ZNF486: variants seen among roughly 807,000 people sequenced by gnomAD.
ZNF486 encodes KRAB box only protein 2.
Under a neutral mutation model 12.8 loss-of-function variants are expected in ZNF486, and 12 were observed. The ratio of observed to expected loss-of-function variants is 0.94; its 90% CI spans 0.60 to 1.52. The LOEUF (loss-of-function observed/expected upper bound fraction) is 1.52. ZNF486 is among the 40% of genes most tolerant of loss of function. The pLI, the probability that ZNF486 is intolerant of heterozygous loss-of-function variation, is 0.00. For synonymous variants in ZNF486, 231 were observed against 184.9 expected, an observed-to-expected ratio of 1.25 and a Z score of -2.02; for missense variants, 738 against 545.0, an observed-to-expected ratio of 1.35 and a Z score of -3.53.
intron 3 of ZNF486, among the ~76,000 whole-genome samples, chr19:20,194,152 T>C (rs1296666405): frequency 1.3e-5 from 2 of 152,228 alleles, no homozygotes; most frequent in Non-Finnish European, 2.9e-5. Flanking sequence ...TTTTTGTGTA[T>C]GTGGATATCT....
intron 1 of ZNF486, among the ~76,000 whole-genome samples, chr19:20,175,664 AC>A (rs1228094469): frequency 6.6e-6 from 1 of 152,192 alleles, no homozygotes; most frequent in African/African-American, 2.4e-5. Context: ...TCAGAGATCA[AC>A]AGGATCCCAA....
chr19:20,193,943 TA>T (rs1309502403), intron 3 of ZNF486, among the ~76,000 whole-genome samples: 1 of 152,164 alleles, frequency 6.6e-6, no homozygotes, highest in Non-Finnish European at 1.5e-5. Context: ...TTGAATGTGG[TA>T]AAAAAATTAA....
chr19:20,190,673 C>A (rs782695027), intron 3 of ZNF486, among the ~76,000 whole-genome samples: 1 of 152,244 alleles, frequency 6.6e-6, no homozygotes, highest in African/African-American at 2.4e-5. Flanking sequence ...GCAAGAGCCA[C>A]TGCACCCCGT....
intron 1 of ZNF486, among the ~76,000 whole-genome samples, chr19:20,168,596 G>A (rs1453433936): frequency 2.0e-5 from 3 of 151,774 alleles, no homozygotes; most frequent in Non-Finnish European, 4.4e-5. Flanking sequence ...GGAGGTTGCG[G>A]TGAGCCGAGA....
At chr19:20,175,735 C>G (rs1228456611) in intron 1 of ZNF486, among the ~76,000 whole-genome samples, 1 of 152,232 alleles carries the variant, frequency 6.6e-6, no homozygotes, top group Non-Finnish European at 1.5e-5. Flanking sequence ...CTACTTCTTT[C>G]TACACAGACA....
intron 1 of ZNF486, among the ~76,000 whole-genome samples, chr19:20,181,559 G>A (rs1250740725): frequency 7.0e-6 from 1 of 142,850 alleles, no homozygotes; most frequent in Non-Finnish European, 1.5e-5. Context: ...AAAAAAAAGG[G>A]AAAAATAAAG....
At chr19:20,172,258 C>T (rs2089656180) in intron 1 of ZNF486, among the ~76,000 whole-genome samples, 1 of 152,092 alleles carries the variant, frequency 6.6e-6, no homozygotes, top group South Asian at 2.1e-4. Context: ...CGGCCTCAGC[C>T]TCCCAAAGTG....
In ZNF486 at chr19:20,197,962, T is replaced by A. The variant is rs1689356803; in HGVS notation, c.1252T>A (p.Ser418Thr). Residue 418 changes from serine to threonine, a missense_variant, in exon 4 of 4, where the codon TCC becomes ACC. Physicochemically the swap from Ser to Thr is moderately conservative, Grantham distance 58. Transcript: ENST00000335117. ...CEECGKAYTT[S>T]SNLTEHKTTH... ...AGAATGTGGCAAAGCGTATACTACATCCTCAAATCTAACTGAACATAAGAC... is the reference window on the plus strand; with the variant it reads ...AGAATGTGGCAAAGCGTATACTACAACCTCAAATCTAACTGAACATAAGAC... 1 of 1,613,596 alleles carries A rather than the reference T, an allele frequency of 6.2e-7. No individual in the cohort carries two copies.
chr19:20,192,270 A>G (rs2089910140), intron 3 of ZNF486, among the ~76,000 whole-genome samples: 1 of 152,162 alleles, frequency 6.6e-6, no homozygotes, highest in African/African-American at 2.4e-5. Context: ...TAAAGAAACC[A>G]CTGAGGCATT....
chr19:20,177,962 C>T (rs1473599720), intron 1 of ZNF486, among the ~76,000 whole-genome samples: 1 of 139,038 alleles, frequency 7.2e-6, no homozygotes, highest in African/African-American at 3.0e-5. Context: ...AGTCTCTCAT[C>T]CCCCAGGCTG....
At chr19:20,184,249 C>G (rs781399615) in intron 1 of ZNF486, 107 bp from the exon 2 acceptor site, 2 of 1,492,834 alleles carry the variant, frequency 1.3e-6, no homozygotes, top group Non-Finnish European at 1.8e-6. Context: ...TAATTTTAGT[C>G]AATCCTATAA....
Position 20,197,935 on chromosome 19 carries a change from G to T in ZNF486, c.1225G>T (p.Glu409Ter), listed in dbSNP as rs369970312. 1.9e-6 allele frequency: 3 copies of T among 1,613,700 alleles called. No homozygotes were observed. The highest frequency in any genetic ancestry group is 2.5e-6 in the Non-Finnish European group (3 of 1,179,784). The change falls in exon 4 of 4, where the codon GAA becomes TAA. Residue 409 changes from glutamate (E) to a stop codon, truncating the protein, a stop_gained. Coordinates refer to ENST00000335117, the MANE Select transcript of ZNF486 (RefSeq NM_052852.4). LOFTEE classifies it low-confidence loss of function (END_TRUNC). Reference protein sequence around the residue: ...THTGEKPYKCEECGKAYTTSS... With the variant: ...THTGEKPYKC ...TACTGGAGAGAAACCCTACAAATGT[G>T]AAGAATGTGGCAAAGCGTATACTAC...
chr19:20,196,553 C>T (rs2089960232), intron 3 of ZNF486, among the ~76,000 whole-genome samples: 1 of 152,094 alleles, frequency 6.6e-6, no homozygotes, highest in Non-Finnish European at 1.5e-5. Flanking sequence ...TGGCCTTGAA[C>T]TCCTGACCTC....
At chr19:20,179,128 C>G (rs1250306377) in intron 1 of ZNF486, among the ~76,000 whole-genome samples, 1 of 152,168 alleles carries the variant, frequency 6.6e-6, no homozygotes, top group Non-Finnish European at 1.5e-5. Context: ...AATGAAAGTG[C>G]AGTTATGTCT....
intron 3 of ZNF486, among the ~76,000 whole-genome samples, chr19:20,192,852 A>G (rs576266216): frequency 3.3e-5 from 5 of 152,198 alleles, no homozygotes; most frequent in Non-Finnish European, 5.9e-5. Context: ...TGGCCTTCCA[A>G]AGTCCTAAGA....
At chr19:20,188,531 A>T in intron 3 of ZNF486, 2 of 398,288 alleles carry the variant, frequency 5.0e-6, no homozygotes, top group Non-Finnish European at 8.9e-6. Flanking sequence ...AAAATAATTT[A>T]ATAATTGCCA....
rs7250438 is a variant in ZNF486 at position 20,197,474 on chromosome 19, C to T, written c.764C>T (p.Thr255Ile). ...KVFKYFSSFT[T>I]HKKIHSGEKP... is the part of the protein sequence containing the mutation. ...TTTAAGTACTTCTCTAGCTTTACTA[C>T]ACATAAGAAAATTCATAGTGGAGAG... The change falls in exon 4 of 4, where the codon ACA becomes ATA. Residue 255 changes from threonine to isoleucine, a missense_variant. Thr to Ile is a moderately conservative substitution (Grantham distance 89). Transcript: ENST00000335117. The T allele has an allele frequency of 1.8e-3, 2,923 of 1,608,192 alleles. 53 individuals carry two copies. In the African/African-American group the frequency reaches 0.035, roughly 19 times the overall value.
chr19:20,192,996 A>G (rs752010057), intron 3 of ZNF486, among the ~76,000 whole-genome samples: 1 of 151,888 alleles, frequency 6.6e-6, no homozygotes, highest in Non-Finnish European at 1.5e-5. Flanking sequence ...CTCCTGTTTT[A>G]CTTTCTTAAT....
In ZNF486 at chr19:20,184,359, T is replaced by C. The variant is rs1490291214; in HGVS notation, c.34T>C (p.Ser12Pro). The C allele has an allele frequency of 3.7e-6, 6 of 1,612,736 alleles. No homozygotes were observed. The highest frequency in any genetic ancestry group is 5.1e-6 in the Non-Finnish European group (6 of 1,179,338). Residue 12 changes from serine (S) to proline (P), a missense_variant, in exon 2 of 4, where the codon TCA (serine) becomes CCA (proline). Coordinates refer to ENST00000335117, the MANE Select transcript of ZNF486 (RefSeq NM_052852.4). ...TGTGTGTGTGTGTGTTTTTCAGGAATCATTGCAATTTAGAGATGTGGCTGT... is the reference window on the plus strand; with the variant it reads ...TGTGTGTGTGTGTGTTTTTCAGGAACCATTGCAATTTAGAGATGTGGCTGT... ...PGPLRSLEME[S>P]LQFRDVAVEF...
Sources: gnomAD v4.1 joint callset for allele counts (sites outside exome capture counted in the v4.1 genomes callset) on GRCh38, gnomAD v4.1.1 for gene constraint, MANE v1.5 for transcripts, NCBI Gene and HGNC (gene_info 2026-07-23, HGNC 2026-07-21) for gene names.